PCCA: variants seen among roughly 807,000 people sequenced by gnomAD.
PCCA encodes the protein propionyl-CoA carboxylase subunit alpha.
PCCA carries 74 observed loss-of-function variants against 101.3 expected under a neutral mutation model. The observed-to-expected ratio is 0.73, with a 90% CI of 0.61 to 0.89. The LOEUF (loss-of-function observed/expected upper bound fraction) is 0.89, where lower values mean the gene tolerates loss of function less well. PCCA is among the 40% of genes least tolerant of loss of function. The pLI is 0.00. For missense variants in PCCA, 891 were observed against 907.0 expected, an observed-to-expected ratio of 0.98 and a Z score of 0.23; for synonymous variants, 294 against 313.6, an observed-to-expected ratio of 0.94 and a Z score of 0.66.
At chr13:100,186,468 C>T (rs6491549) in intron 6 of PCCA, among the ~76,000 whole-genome samples, 3,628 of 152,074 alleles carry the variant, frequency 0.024, 151 homozygotes, top group African/African-American at 0.083. Flanking sequence ...AGGGGCCGGG[C>T]GTGGTGGCTC....
At chr13:100,139,022 A>G (rs1171832387) in intron 4 of PCCA, among the ~76,000 whole-genome samples, 1 of 151,742 alleles carries the variant, frequency 6.6e-6, no homozygotes, top group African/African-American at 2.4e-5. Flanking sequence ...AATATAGAGT[A>G]CTGAGTTGAC....
intron 12 of PCCA, among the ~76,000 whole-genome samples, chr13:100,277,380 T>C (rs2063741142): frequency 6.6e-6 from 1 of 152,080 alleles, no homozygotes; most frequent in East Asian, 1.9e-4. Flanking sequence ...TGGTGTTGAG[T>C]GTTGGGTTTG....
chr13:100,345,218 A>G (rs867924466), intron 18 of PCCA, among the ~76,000 whole-genome samples: 2 of 152,250 alleles, frequency 1.3e-5, no homozygotes, highest in Non-Finnish European at 2.9e-5. Flanking sequence ...GGTATATTCA[A>G]AGCCGAGGCA....
chr13:100,198,368 G>C lies in PCCA; in HGVS notation c.469-10964G>C, dbSNP rs1332396269. On this transcript the variant is annotated intron_variant, in intron 6 of 23. Coordinates refer to ENST00000376285, the MANE Select transcript of PCCA (RefSeq NM_000282.4). ...AATCTCTGATTAAAGAGCAAAGCTT[G>C]AGTGTTTTGGACATGGTAATGCTGC... 3 of 152,214 alleles carry C rather than the reference G, an allele frequency of 2.0e-5. No individual in the cohort carries two copies. In the South Asian group the frequency reaches 6.2e-4, roughly 32 times the overall value. The allele number at this position is 152,214 out of a possible 1,614,324, so 9.4% of individuals were successfully genotyped here. A position where few individuals can be genotyped will look rare whatever the true frequency, so the allele number is the denominator to read the frequency against.
Position 100,340,154 on chromosome 13 carries a change from C to T in PCCA, c.1541-3C>T, listed in dbSNP as rs773736667. 1.3e-5 allele frequency: 20 copies of T among 1,506,020 alleles called. No homozygotes were observed. The highest frequency in any genetic ancestry group is 1.7e-5 in the Non-Finnish European group (18 of 1,081,322). 93.3% of individuals were successfully genotyped at this position (1,506,020 alleles called of 1,614,324 possible). A position where few individuals can be genotyped will look rare whatever the true frequency, so the allele number is the denominator to read the frequency against. ...GATTGATTGGTTGATTGATTTCCCT[C>T]AGGACACATGCTAACCAAGAGTGAG... On this transcript the variant is annotated splice_polypyrimidine_tract_variant and splice_region_variant and intron_variant, in intron 17 of 23. Coordinates refer to ENST00000376285, the MANE Select transcript of PCCA (RefSeq NM_000282.4).
chr13:100,447,180 C>T (rs372762843), intron 20 of PCCA, among the ~76,000 whole-genome samples: 1 of 152,096 alleles, frequency 6.6e-6, no homozygotes, highest in Non-Finnish European at 1.5e-5. Flanking sequence ...GTCAGGAGTT[C>T]GAGACCAGCC....
At chr13:100,132,934 T>C (rs1280828435) in intron 4 of PCCA, among the ~76,000 whole-genome samples, 1 of 152,066 alleles carries the variant, frequency 6.6e-6, no homozygotes, top group Non-Finnish European at 1.5e-5. Context: ...CACCTGTCAC[T>C]ATGCCCAGCT....
At chr13:100,160,303 G>C (rs1191212026) in intron 6 of PCCA, among the ~76,000 whole-genome samples, 2 of 152,072 alleles carry the variant, frequency 1.3e-5, no homozygotes, top group Non-Finnish European at 2.9e-5. Context: ...AGGAATTCGA[G>C]ACCAGCTTGG....
intron 21 of PCCA, among the ~76,000 whole-genome samples, chr13:100,493,854 A>C (rs1027665924): frequency 2.0e-5 from 3 of 152,188 alleles, no homozygotes; most frequent in African/African-American, 7.2e-5. Context: ...TACACCTTAA[A>C]ATTCAATCTA....
intron 21 of PCCA, among the ~76,000 whole-genome samples, chr13:100,511,449 G>A (rs560473530): frequency 6.6e-6 from 1 of 152,322 alleles, no homozygotes; most frequent in Admixed American, 6.5e-5. Flanking sequence ...AGAAGTGTCT[G>A]CCTCCTTACT....
intron 4 of PCCA, among the ~76,000 whole-genome samples, chr13:100,140,101 T>C (rs1460595157): frequency 6.6e-6 from 1 of 152,180 alleles, no homozygotes; most frequent in East Asian, 1.9e-4. Flanking sequence ...AACAACTTTA[T>C]TGTGTCACTT....
At chr13:100,505,636 G>A (rs746628195) in intron 21 of PCCA, among the ~76,000 whole-genome samples, 2 of 152,192 alleles carry the variant, frequency 1.3e-5, no homozygotes, top group African/African-American at 4.8e-5. Flanking sequence ...AACCTGGGGC[G>A]GGCGGATCCC....
intron 21 of PCCA, among the ~76,000 whole-genome samples, chr13:100,451,229 A>G (rs1297573387): frequency 6.6e-6 from 1 of 152,138 alleles, no homozygotes; most frequent in African/African-American, 2.4e-5. Flanking sequence ...ATCTAAAAAT[A>G]TCTTCGATGA....
intron 21 of PCCA, among the ~76,000 whole-genome samples, chr13:100,492,086 GTCCCTGCCCCA>G (rs1220328524): frequency 6.6e-6 from 1 of 152,092 alleles, no homozygotes; most frequent in Admixed American, 6.5e-5. Flanking sequence ...AGAAGCCGCA[GTCCCTGCCCCA>G]CAGGGGCTGC....
At chr13:100,317,902 C>T (rs530090636) in intron 16 of PCCA, among the ~76,000 whole-genome samples, 11 of 152,292 alleles carry the variant, frequency 7.2e-5, no homozygotes, top group African/African-American at 1.9e-4. Flanking sequence ...TCTCCCCATT[C>T]TTGCCATCAG....
chr13:100,284,044 A>G (rs2064367610), intron 12 of PCCA, among the ~76,000 whole-genome samples: 1 of 152,150 alleles, frequency 6.6e-6, no homozygotes, highest in Non-Finnish European at 1.5e-5. Context: ...ATGTTTAACT[A>G]TTGAGGGCCA....
At chr13:100,501,871 CTCAATAAA>C (rs2085703159) in intron 21 of PCCA, among the ~76,000 whole-genome samples, 1 of 140,622 alleles carries the variant, frequency 7.1e-6, no homozygotes, top group African/African-American at 2.8e-5. Flanking sequence ...GACACTCCTT[CTCAATAAA>C]TAAATAAATA....
chr13:100,166,425 A>T (rs1051884157), intron 6 of PCCA, among the ~76,000 whole-genome samples: 42 of 152,048 alleles, frequency 2.8e-4, no homozygotes, highest in Admixed American at 3.3e-4. Context: ...CAGCTTCCCA[A>T]GTAGCTGGGA....
intron 6 of PCCA, among the ~76,000 whole-genome samples, chr13:100,200,740 A>C (rs1378612575): frequency 6.6e-6 from 1 of 151,340 alleles, no homozygotes; most frequent in Non-Finnish European, 1.5e-5. Flanking sequence ...TATAAAACAA[A>C]TTTATATTAT....
Sources: allele counts gnomAD v4.1 joint callset (sites outside exome capture counted in the v4.1 genomes callset), GRCh38; gene constraint gnomAD v4.1.1; transcripts MANE v1.5; gene names NCBI Gene and HGNC (gene_info 2026-07-23, HGNC 2026-07-21).